The following SLC26A11 variants were observed in gnomAD, a reference collection of about 807,000 sequenced individuals.
SLC26A11 encodes sodium-independent sulfate anion transporter.
A neutral mutation model predicts 62.2 loss-of-function variants in SLC26A11; 58 were observed. That is an observed-to-expected ratio of 0.93 (90% CI 0.76 to 1.16). The LOEUF (loss-of-function observed/expected upper bound fraction) is 1.16, where lower values mean the gene tolerates loss of function less well. SLC26A11 is among the 50% of genes most tolerant of loss of function. The probability of loss-of-function intolerance (pLI) is 0.00; values close to 1 mark genes in which losing one functional copy is unlikely to be tolerated. For synonymous variants in SLC26A11, 411 were observed against 368.9 expected, an observed-to-expected ratio of 1.11 and a Z score of -1.31; for missense variants, 790 against 794.3, an observed-to-expected ratio of 0.99 and a Z score of 0.06.
At chr17:80,227,079 C>G (rs895232385) in intron 6 of SLC26A11, among the ~76,000 whole-genome samples, 3 of 152,152 alleles carry the variant, frequency 2.0e-5, no homozygotes, top group African/African-American at 7.2e-5. Context: ...CCTTACTGAC[C>G]GTTTAGTCCT....
In SLC26A11 at chr17:80,221,599, CTCTGGCCCCGG is replaced by C; in HGVS notation, c.40_50del (p.Ser14AspfsTer54). 2 of 1,606,376 alleles carry C rather than the reference CTCTGGCCCCGG, an allele frequency of 1.2e-6. No individual in the cohort carries two copies. ...TGACGGCGCTGGGTCAGGCCAGGTC[CTCTGGCCCCGG>C]GATGGCCCCGAGCGCCTGCTGCTGC... On this transcript the variant is annotated frameshift_variant, in exon 3 of 18. Transcript: ENST00000361193. LOFTEE classifies it high-confidence loss of function.
chr17:80,231,093 G>A (rs1598806643), intron 7 of SLC26A11, among the ~76,000 whole-genome samples: 1 of 143,440 alleles, frequency 7.0e-6, no homozygotes, highest in East Asian at 2.0e-4. Flanking sequence ...ATTTCTGCTT[G>A]GGCCTTTATT....
Position 80,246,163 on chromosome 17 carries a change from G to C in SLC26A11, c.1107G>C (p.Val369=). 1 of 1,613,248 alleles carries C rather than the reference G, an allele frequency of 6.2e-7. No homozygotes were observed. The highest frequency in any genetic ancestry group is 8.5e-7 in the Non-Finnish European group (1 of 1,179,990). The change falls in exon 12 of 18, where the codon GTG becomes GTC. Residue 369 remains valine (V), a synonymous_variant. Transcript: ENST00000361193. The surrounding 1 kb of genome is among the most constrained non-coding windows in gnomAD (Gnocchi z 4.4). ...PVTGSFGRTA[V]NAQSGVCTPA... ...CTGTGTTGCCTTCCAGGACAGCCGT[G>C]AACGCTCAGTCGGGGGTGTGCACCC...
At position 80,246,115 on chromosome 17, in the gene SLC26A11, C is replaced by T. The variant is rs928051520; in HGVS notation, c.1098-39C>T. ...GTGTGGACTGAGGTCTCCCTTTTCC[C>T]GGCCCCTGGTGACTGACGGTCTCTG... On this transcript the variant is annotated intron_variant, in intron 11 of 17. Coordinates refer to ENST00000361193, the MANE Select transcript of SLC26A11 (RefSeq NM_001166347.2). The surrounding 1 kb of genome is among the most constrained non-coding windows in gnomAD (Gnocchi z 4.4). The T allele has an allele frequency of 1.7e-5, 28 of 1,611,852 alleles. No individual in the cohort carries two copies. The highest frequency in any genetic ancestry group is 2.7e-5 in the African/African-American group (2 of 74,906).
intron 8 of SLC26A11, 133 bp downstream of exon 8, chr17:80,237,236 C>T: frequency 9.1e-7 from 1 of 1,099,400 alleles, no homozygotes. Flanking sequence ...CAGGAACGGA[C>T]ATCTCAGTTA....
intron 7 of SLC26A11, among the ~76,000 whole-genome samples, chr17:80,230,107 A>T (rs1409756699): frequency 6.6e-6 from 1 of 151,592 alleles, no homozygotes; most frequent in Non-Finnish European, 1.5e-5. Context: ...AGGCAGGAGA[A>T]TCACTTGAAC....
chr17:80,221,495 G>T, intron 2 of SLC26A11, 53 bp from the exon 3 acceptor site: 1 of 1,336,418 alleles, frequency 7.5e-7, no homozygotes, highest in African/African-American at 1.5e-5. Context: ...GTGTTGCCGG[G>T]TTCTTCAAAG....
chr17:80,237,420 C>T, intron 8 of SLC26A11, 102 bp from the exon 9 acceptor site: 1 of 1,116,650 alleles, frequency 9.0e-7, no homozygotes, highest in Non-Finnish European at 1.3e-6. Context: ...AGCACTTGCT[C>T]CTGTTACCTG....
In SLC26A11 at chr17:80,252,104, T is replaced by C. The variant is rs930054443; in HGVS notation, c.1730-521T>C. 6.6e-6 allele frequency among the ~76,000 whole-genome samples: 1 copy of C among 151,438 alleles called. No homozygotes were observed. The highest frequency in any genetic ancestry group is 1.5e-5 in the Non-Finnish European group (1 of 67,882). On this transcript the variant is annotated intron_variant, in intron 17 of 17. Coordinates refer to ENST00000361193, the MANE Select transcript of SLC26A11 (RefSeq NM_001166347.2). The surrounding 1 kb of genome is among the most constrained non-coding windows in gnomAD (Gnocchi z 5.2). ...CCCTTGAGACAGCAATCGCAGGAGG[T>C]CTGAGCCGCAGCAGGTGTCAACAAG...
chr17:80,234,464 GTGTTTTTT>G (rs2042640000), intron 7 of SLC26A11, among the ~76,000 whole-genome samples: 2 of 139,966 alleles, frequency 1.4e-5, no homozygotes, highest in South Asian at 2.4e-4. Context: ...GCTTGATGTA[GTGTTTTTT>G]TGTTTGTTTG....
rs562379846 is a variant in SLC26A11 at position 80,225,028 on chromosome 17, T to C, written c.514-809T>C. Among the ~76,000 whole-genome samples the C allele has an allele frequency of 9.2e-5, 14 of 151,958 alleles. No homozygotes were observed. In the South Asian group the frequency reaches 2.7e-3, roughly 29 times the overall value. ...CCTCAACTTTCCCCTCTGACTCCTG[T>C]TGGGTCTCAGGCGATGTAAAGAACT... On this transcript the variant is annotated intron_variant, in intron 5 of 17. Transcript: ENST00000361193.
intron 7 of SLC26A11, among the ~76,000 whole-genome samples, chr17:80,236,444 C>T (rs769735714): frequency 7.9e-5 from 12 of 152,236 alleles, no homozygotes; most frequent in Non-Finnish European, 1.0e-4. Flanking sequence ...TCGGGGAAAC[C>T]GTAGGCAGCC....
chr17:80,248,125 C>G lies in SLC26A11; in HGVS notation c.1295-5C>G. 2 of 1,600,634 alleles carry G rather than the reference C, an allele frequency of 1.2e-6. No individual in the cohort carries two copies. Among genetic ancestry groups the G allele is most frequent in the Non-Finnish European group, 1.7e-6 (2 of 1,178,910 alleles). On this transcript the variant is annotated splice_polypyrimidine_tract_variant and splice_region_variant and intron_variant, in intron 13 of 17. Coordinates refer to ENST00000361193, the MANE Select transcript of SLC26A11 (RefSeq NM_001166347.2). Reference sequence around the variant, plus strand: ...GGGCATTCCTCAGCTGTGCCCTTCTCCTAGGGCTGGACCTGCTGCCCCTGT... The same window carrying G: ...GGGCATTCCTCAGCTGTGCCCTTCTGCTAGGGCTGGACCTGCTGCCCCTGT...
At chr17:80,250,551 C>T (rs1241830152) in intron 16 of SLC26A11, among the ~76,000 whole-genome samples, 1 of 152,206 alleles carries the variant, frequency 6.6e-6, no homozygotes, top group Non-Finnish European at 1.5e-5. Flanking sequence ...AAAAATACTC[C>T]TCTGACCCAG....
intron 11 of SLC26A11, among the ~76,000 whole-genome samples, chr17:80,245,603 C>T (rs887232570): frequency 6.6e-6 from 1 of 152,156 alleles, no homozygotes; most frequent in Non-Finnish European, 1.5e-5. Flanking sequence ...GGCAACAGAG[C>T]GAGACCCTGT....
Position 80,220,515 on chromosome 17 carries a change from A to G in SLC26A11, c.-214+19A>G. The G allele has an allele frequency of 2.4e-6, 1 of 419,324 alleles. No homozygotes were observed. Among genetic ancestry groups the G allele is most frequent in the Non-Finnish European group, 4.1e-6 (1 of 246,542 alleles). The allele number at this position is 419,324 out of a possible 1,614,324, so 26.0% of individuals were successfully genotyped here. A position where few individuals can be genotyped will look rare whatever the true frequency, so the allele number is the denominator to read the frequency against. On this transcript the variant is annotated intron_variant, in intron 1 of 17. Coordinates refer to ENST00000361193, the MANE Select transcript of SLC26A11 (RefSeq NM_001166347.2). Reference sequence around the variant, plus strand: ...CGAGTGGGTGAGTCCGTGGCCCGCGAGGGCGGCGAGCGGGGACCAGGGGCA... The same window carrying G: ...CGAGTGGGTGAGTCCGTGGCCCGCGGGGGCGGCGAGCGGGGACCAGGGGCA...
intron 16 of SLC26A11, 86 bp downstream of exon 16, chr17:80,249,373 T>G: frequency 1.3e-6 from 2 of 1,532,384 alleles, no homozygotes; most frequent in Non-Finnish European, 1.8e-6. Flanking sequence ...GTGACATCTC[T>G]GGGCTGTGAT....
Position 80,246,734 on chromosome 17 carries a change from A to G in SLC26A11, c.1294+85A>G. On this transcript the variant is annotated intron_variant, in intron 13 of 17. Coordinates refer to ENST00000361193, the MANE Select transcript of SLC26A11 (RefSeq NM_001166347.2). The surrounding 1 kb of genome is among the most constrained non-coding windows in gnomAD (Gnocchi z 4.4). The stretch of plus-strand genomic sequence containing the variant: ...CATTTATGCTACCCCATTTTCCTGC[A>G]GCCCCCTCTGTGGGGCTGGGACTGG... The G allele has an allele frequency of 6.6e-7, 1 of 1,516,146 alleles. No homozygotes were observed. The highest frequency in any genetic ancestry group is 1.2e-5 in the South Asian group (1 of 80,610). 93.9% of individuals were successfully genotyped at this position (1,516,146 alleles called of 1,614,324 possible).
At chr17:80,244,563 C>T (rs886295083) in intron 10 of SLC26A11, among the ~76,000 whole-genome samples, 7 of 152,278 alleles carry the variant, frequency 4.6e-5, no homozygotes, top group South Asian at 2.1e-4. Context: ...AGGATCTTGC[C>T]AGGCATGGTG....
Sources: allele counts gnomAD v4.1 joint callset (sites outside exome capture counted in the v4.1 genomes callset), GRCh38; gene constraint gnomAD v4.1.1; non-coding constraint Gnocchi (gnomAD v3.1); transcripts MANE v1.5; gene names NCBI Gene and HGNC (gene_info 2026-07-23, HGNC 2026-07-21).